CHLSN: variants seen among roughly 807,000 people sequenced by gnomAD.
CHLSN encodes the protein cholesin, also known as protein cholesin.
the CHLSN span, among the ~76,000 whole-genome samples, chr7:1,134,106 A>G: frequency 6.6e-6 from 1 of 151,938 alleles, no homozygotes; most frequent in Non-Finnish European, 1.5e-5. Context: ...CCCAAAATAT[A>G]TATATATATT....
the CHLSN span, among the ~76,000 whole-genome samples, chr7:1,030,501 C>T: frequency 1.0e-3 from 156 of 152,324 alleles, no homozygotes; most frequent in Non-Finnish European, 1.8e-3. Context: ...GGCTTCACTC[C>T]ACTCCATCTC....
At chr7:1,037,565 G>A in the CHLSN span, among the ~76,000 whole-genome samples, 1 of 146,398 alleles carries the variant, frequency 6.8e-6, no homozygotes, top group East Asian at 1.9e-4. Flanking sequence ...TGCCCAGGCT[G>A]GAGTGCAGTG....
At chr7:1,117,766 C>T in the CHLSN span, among the ~76,000 whole-genome samples, 1 of 152,088 alleles carries the variant, frequency 6.6e-6, no homozygotes, top group Non-Finnish European at 1.5e-5. Context: ...GACCGGCTTC[C>T]ATCACCGACG....
the CHLSN span, chr7:986,547 T>C: frequency 6.5e-7 from 1 of 1,546,754 alleles, no homozygotes; most frequent in Non-Finnish European, 8.8e-7. Context: ...ACACAGCCGC[T>C]GGGGACGATC....
At chr7:1,017,286 C>T in the CHLSN span, among the ~76,000 whole-genome samples, 12 of 152,162 alleles carry the variant, frequency 7.9e-5, no homozygotes, top group South Asian at 2.1e-4. Flanking sequence ...ATTGGAGCTG[C>T]GGGGAGGGAC....
chr7:1,073,312 C>A, the CHLSN span, among the ~76,000 whole-genome samples: 1 of 152,140 alleles, frequency 6.6e-6, no homozygotes, highest in Admixed American at 6.5e-5. Context: ...ACACTGCCCT[C>A]CCTCCTCACC....
At chr7:1,067,100 G>A in the CHLSN span, among the ~76,000 whole-genome samples, 9 of 140,026 alleles carry the variant, frequency 6.4e-5, no homozygotes, top group South Asian at 2.1e-3. Context: ...GGCACAGTCT[G>A]TTGGCGGAGG....
the CHLSN span, chr7:1,058,952 G>A: frequency 5.4e-6 from 1 of 185,614 alleles, no homozygotes; most frequent in African/African-American, 2.4e-5. Context: ...CGAAAGAATG[G>A]CAACAGCCAG....
At chr7:986,973 G>A in the CHLSN span, 2 of 1,349,588 alleles carry the variant, frequency 1.5e-6, no homozygotes, top group Non-Finnish European at 2.0e-6. Flanking sequence ...CATAGTGCCT[G>A]CCTCGGGGAC....
At chr7:1,057,768 C>T in the CHLSN span, 1 of 775,814 alleles carries the variant, frequency 1.3e-6, no homozygotes, top group African/African-American at 1.7e-5. Context: ...TGTGCACCTG[C>T]TCGGCCCCCC....
chr7:1,098,540 G>T, the CHLSN span, among the ~76,000 whole-genome samples: 1 of 152,332 alleles, frequency 6.6e-6, no homozygotes, highest in East Asian at 1.9e-4. Flanking sequence ...AAGCAGACAC[G>T]AGTGGAGACG....
At chr7:1,024,250 A>G in the CHLSN span, among the ~76,000 whole-genome samples, 1 of 151,740 alleles carries the variant, frequency 6.6e-6, no homozygotes, top group Non-Finnish European at 1.5e-5. Flanking sequence ...CTGCCTCCCT[A>G]CTCCCGCCTG....
At chr7:1,071,537 C>G in the CHLSN span, among the ~76,000 whole-genome samples, 8 of 151,952 alleles carry the variant, frequency 5.3e-5, no homozygotes, top group Non-Finnish European at 1.2e-4. Context: ...CAGCGACACT[C>G]CAAAAAGCAG....
the CHLSN span, among the ~76,000 whole-genome samples, chr7:1,101,416 T>A: frequency 6.6e-6 from 1 of 151,300 alleles, no homozygotes; most frequent in East Asian, 1.9e-4. Context: ...AGCAGGCGCG[T>A]GCGGCGTCGG....
the CHLSN span, among the ~76,000 whole-genome samples, chr7:1,090,472 CG>C: frequency 2.6e-5 from 4 of 151,484 alleles, no homozygotes; most frequent in African/African-American, 9.7e-5. Flanking sequence ...CAGGGTGACA[CG>C]GGGTGGGTGA....
chr7:1,057,649 A>G, the CHLSN span: 12 of 770,936 alleles, frequency 1.6e-5, no homozygotes, highest in Non-Finnish European at 1.7e-5. Flanking sequence ...CTGTGCTACA[A>G]CGCCCTGCTG....
At chr7:986,596 A>G in the CHLSN span, 1 of 1,610,612 alleles carries the variant, frequency 6.2e-7, no homozygotes, top group Non-Finnish European at 8.5e-7. Context: ...CTGCGTCCTT[A>G]TCTCCGCTCC....
At chr7:1,099,591 A>G in the CHLSN span, among the ~76,000 whole-genome samples, 6 of 152,356 alleles carry the variant, frequency 3.9e-5, no homozygotes, top group South Asian at 1.0e-3. Flanking sequence ...ATGTACTTTT[A>G]AATTAAAAAT....
chr7:1,097,776 G>A, the CHLSN span, among the ~76,000 whole-genome samples: 6 of 152,180 alleles, frequency 3.9e-5, no homozygotes, highest in East Asian at 1.9e-4. This position sits in a 1 kb window ranked among gnomAD's most constrained non-coding sequence, Gnocchi z 4.3. Flanking sequence ...CAAGGAGGCC[G>A]GTCCAGATGC....
Sources: allele counts gnomAD v4.1 joint callset (sites outside exome capture counted in the v4.1 genomes callset), GRCh38; gene constraint gnomAD v4.1.1; non-coding constraint Gnocchi (gnomAD v3.1); transcripts MANE v1.5; gene names NCBI Gene and HGNC (gene_info 2026-07-23, HGNC 2026-07-21).